Variants in MAST3 observed in about 807,000 individuals in gnomAD.
The protein encoded by MAST3 is microtubule-associated serine/threonine-protein kinase 3.
Under a neutral mutation model 127.0 loss-of-function variants are expected in MAST3, and 43 were observed. That is an observed-to-expected ratio of 0.34 (90% CI 0.27 to 0.44). The LOEUF (loss-of-function observed/expected upper bound fraction) is 0.44, where lower values mean the gene tolerates loss of function less well. MAST3 is among the 20% of genes least tolerant of loss of function. The probability of loss-of-function intolerance (pLI) is 1.00; values close to 1 mark genes in which losing one functional copy is unlikely to be tolerated. For synonymous variants in MAST3, 785 were observed against 809.2 expected (o/e 0.97, Z 0.51); for missense variants, 1,390 against 1,919.1 (o/e 0.72, Z 5.15).
intron 19 of MAST3, 62 bp downstream of exon 19, chr19:18,137,423 G>C: frequency 2.6e-6 from 4 of 1,559,508 alleles, no homozygotes; most frequent in Non-Finnish European, 3.5e-6. Flanking sequence ...AGTCCCTGGG[G>C]GCAGAGGGCT....
chr19:18,123,005 T>G (rs2040181627), intron 6 of MAST3, among the ~76,000 whole-genome samples: 1 of 152,176 alleles, frequency 6.6e-6, no homozygotes, highest in Non-Finnish European at 1.5e-5. Context: ...AGAGGGGGAC[T>G]TGGGGCTGCC....
intron 1 of MAST3, among the ~76,000 whole-genome samples, chr19:18,106,065 T>C (rs1249573321): frequency 6.6e-6 from 1 of 152,030 alleles, no homozygotes; most frequent in East Asian, 2.0e-4. Context: ...TAAATACAAC[T>C]AATTGGTAAT....
chr19:18,149,483 AGGGGAGCGGCTGGAT>A lies in MAST3; in HGVS notation c.3808_3822del (p.Arg1270_Glu1274del). ...GCCAGTCAGCTGACAAGCTGGGCACAGGGGAGCGGCTGGATGGGGAGGCGGGGCGGCGCACTCGTG... is the reference window on the plus strand; with the variant it reads ...GCCAGTCAGCTGACAAGCTGGGCACAGGGGAGGCGGGGCGGCGCACTCGTG... On this transcript the variant is annotated inframe_deletion, in exon 28 of 28. Transcript: ENST00000687212. The surrounding 1 kb of genome is among the most constrained non-coding windows in gnomAD (Gnocchi z 5.9). The A allele has an allele frequency of 6.5e-7, 1 of 1,544,686 alleles. No individual in the cohort carries two copies. Among genetic ancestry groups the A allele is most frequent in the Non-Finnish European group, 8.7e-7 (1 of 1,145,192 alleles).
intron 1 of MAST3, 42 bp from the exon 2 acceptor site, chr19:18,107,545 C>G: frequency 6.2e-7 from 1 of 1,608,304 alleles, no homozygotes; most frequent in Non-Finnish European, 8.5e-7. Context: ...GTTCTGAGGG[C>G]TAGTCTCTCT....
chr19:18,130,877 G>A (rs1264600240), intron 14 of MAST3, among the ~76,000 whole-genome samples, 175 bp downstream of exon 14: 1 of 152,194 alleles, frequency 6.6e-6, no homozygotes, highest in East Asian at 1.9e-4. Flanking sequence ...TGGGGGTTTA[G>A]GGCTGGAGGA....
intron 11 of MAST3, among the ~76,000 whole-genome samples, chr19:18,126,719 T>C (rs930465366): frequency 1.3e-5 from 2 of 152,094 alleles, no homozygotes; most frequent in Non-Finnish European, 2.9e-5. Flanking sequence ...CAGTGAGCTA[T>C]GGTCGCACAA....
At chr19:18,129,138 G>A (rs1258015121) in intron 13 of MAST3, 187 bp downstream of exon 13, 1 of 613,418 alleles carries the variant, frequency 1.6e-6, no homozygotes, top group African/African-American at 1.8e-5. Flanking sequence ...ACAGCCTCAT[G>A]TGTGCTCTGT....
Position 18,123,995 on chromosome 19 carries a change from C to T in MAST3, c.690C>T (p.Gly230=), listed in dbSNP as rs369578021. 3.0e-5 allele frequency: 47 copies of T among 1,592,856 alleles called. No homozygotes were observed. In the African/African-American group the frequency reaches 4.4e-4, roughly 15 times the overall value. Residue 230 remains glycine, a synonymous_variant, in exon 9 of 28, where the codon GGC becomes GGT. Coordinates refer to ENST00000687212, the MANE Select transcript of MAST3 (RefSeq NM_001393504.1). ...AGTTCCTGACGGCCTACGCGCCCGG[C>T]GCCCGGCTGGCGCTGGCTGATGGCG... is the stretch of plus-strand genomic sequence containing the variant. ...LQEFLTAYAP[G]ARLALADGVL...
chr19:18,103,290 C>A (rs905288275), intron 1 of MAST3, among the ~76,000 whole-genome samples: 9 of 152,050 alleles, frequency 5.9e-5, no homozygotes, highest in Admixed American at 5.9e-4. Flanking sequence ...TGTAATCCAG[C>A]GTTTTGGGAG....
Position 18,149,262 on chromosome 19 carries a change from A to G in MAST3, c.3580A>G (p.Thr1194Ala). The G allele has an allele frequency of 6.5e-7, 1 of 1,533,048 alleles. No homozygotes were observed. Among genetic ancestry groups the G allele is most frequent in the Non-Finnish European group, 8.8e-7 (1 of 1,142,820 alleles). The allele number at this position is 1,533,048 out of a possible 1,614,324, so 95.0% of individuals were successfully genotyped here. A position where few individuals can be genotyped will look rare whatever the true frequency, so the allele number is the denominator to read the frequency against. ...CGCCTCCCCAGCTGCTGCTGGCCAC[A>G]CCCGCCCCAGCTCCCTGCACGGCCT... The part of the protein sequence containing the change: ...SPASPAAAGH[T>A]RPSSLHGLAA... The change falls in exon 28 of 28, where the codon ACC becomes GCC. Residue 1194 changes from threonine (T) to alanine (A), a missense_variant. Coordinates refer to ENST00000687212, the MANE Select transcript of MAST3 (RefSeq NM_001393504.1). This position sits in a 1 kb window ranked among gnomAD's most constrained non-coding sequence, Gnocchi z 5.9.
chr19:18,132,143 G>A, intron 15 of MAST3, 96 bp downstream of exon 15: 1 of 1,523,416 alleles, frequency 6.6e-7, no homozygotes, highest in Admixed American at 1.9e-5. Flanking sequence ...CCTCTGAGGT[G>A]CATCCCGGGA....
intron 6 of MAST3, among the ~76,000 whole-genome samples, 198 bp from the exon 7 acceptor site, chr19:18,123,019 G>A (rs1361642209): frequency 6.6e-6 from 1 of 152,202 alleles, no homozygotes; most frequent in Admixed American, 6.5e-5. Context: ...GGCTGCCCAG[G>A]GGTACAGGCA....
chr19:18,126,730 C>A (rs184176448), intron 11 of MAST3, among the ~76,000 whole-genome samples: 1 of 152,172 alleles, frequency 6.6e-6, no homozygotes, highest in African/African-American at 2.4e-5. Flanking sequence ...GGTCGCACAA[C>A]TGCACTCCAG....
intron 27 of MAST3, among the ~76,000 whole-genome samples, chr19:18,148,721 G>A (rs934618956): frequency 6.6e-6 from 1 of 151,910 alleles, no homozygotes; most frequent in Non-Finnish European, 1.5e-5. Context: ...TGGCCAACAT[G>A]GTGAAACCCC....
At chr19:18,135,321 C>T (rs1205900654) in intron 17 of MAST3, among the ~76,000 whole-genome samples, 2 of 151,908 alleles carry the variant, frequency 1.3e-5, no homozygotes, top group African/African-American at 2.4e-5. Context: ...AAAAATTAGC[C>T]GAGCATGGTG....
At chr19:18,103,882 CCT>C (rs141489892) in intron 1 of MAST3, among the ~76,000 whole-genome samples, 1,670 of 152,160 alleles carry the variant, frequency 0.011, 39 homozygotes, top group African/African-American at 0.037. Flanking sequence ...CAAATCCCTC[CCT>C]GTTTCACGTG....
rs556662164 is a variant in MAST3 at position 18,110,002 on chromosome 19, C to G, written c.72-650C>G. ...ACCGCCCTTCCCTTCCGGGGCGCAG[C>G]TCGGGGGCTCCCAAGCCGGCGGCCT... On this transcript the variant is annotated intron_variant, in intron 2 of 27. Coordinates refer to ENST00000687212, the MANE Select transcript of MAST3 (RefSeq NM_001393504.1). This position sits in a 1 kb window ranked among gnomAD's most constrained non-coding sequence, Gnocchi z 4.3. 3.0e-6 allele frequency: 3 copies of G among 985,358 alleles called. No individual in the cohort carries two copies. In the South Asian group the frequency reaches 1.4e-4, roughly 46 times the overall value. The allele number at this position is 985,358 out of a possible 1,614,324, so 61.0% of individuals were successfully genotyped here.
chr19:18,147,996 CAT>C (rs956639915), intron 27 of MAST3, among the ~76,000 whole-genome samples: 1 of 150,472 alleles, frequency 6.6e-6, no homozygotes, highest in Non-Finnish European at 1.5e-5. Context: ...CTGTACAAAA[CAT>C]AAAAAAATTA....
At chr19:18,143,127 A>G (rs1422760856) in intron 21 of MAST3, among the ~76,000 whole-genome samples, 1 of 151,676 alleles carries the variant, frequency 6.6e-6, no homozygotes, top group East Asian at 2.0e-4. Flanking sequence ...AAAAAAACAA[A>G]ACAAAAAACA....
Sources: gnomAD v4.1 joint callset for allele counts (sites outside exome capture counted in the v4.1 genomes callset) on GRCh38, gnomAD v4.1.1 for gene constraint, Gnocchi (gnomAD v3.1) non-coding constraint, MANE v1.5 for transcripts, NCBI Gene and HGNC (gene_info 2026-07-23, HGNC 2026-07-21) for gene names.